ZC3H4: variants seen among roughly 807,000 people sequenced by gnomAD.
ZC3H4 encodes zinc finger CCCH domain-containing protein 4.
In ZC3H4, 13 loss-of-function variants were observed where a neutral mutation model predicts 108.3. The observed-to-expected ratio is 0.12, with a 90% CI of 0.08 to 0.19. The LOEUF (loss-of-function observed/expected upper bound fraction) is 0.19. Among genes scored for constraint, ZC3H4 ranks in the 10% least tolerant of loss-of-function variants. The pLI is 1.00. For missense variants in ZC3H4, 1,734 were observed against 1,838.8 expected (o/e 0.94, Z 1.04); for synonymous variants, 917 against 749.6 (o/e 1.22, Z -3.65).
intron 13 of ZC3H4, among the ~76,000 whole-genome samples, chr19:47,070,541 G>A (rs896980207): frequency 1.3e-5 from 2 of 152,148 alleles, no homozygotes; most frequent in Admixed American, 6.5e-5. Flanking sequence ...AGCTTTTCCC[G>A]TGCACCTTTT....
Position 47,112,476 on chromosome 19 carries a change from G to C in ZC3H4, c.109C>G (p.Arg37Gly). Residue 37 changes from arginine (R) to glycine (G), a missense_variant, in exon 2 of 15, where the codon CGC becomes GGC. Around this residue, in one of 9 missense-constraint regions of ZC3H4, gnomAD observed 112 missense variants for 73.3 expected, o/e 1.53. Coordinates refer to ENST00000253048, the MANE Select transcript of ZC3H4 (RefSeq NM_015168.2). ...PSPPPCSPDA[R>G]PATPHLLHHR... ...TGGAGGAGGTGCGGGGTGGCCGGGC[G>C]GGCGTCGGGGGAACACGGAGGAGGC... The C allele has an allele frequency of 1.7e-6, 2 of 1,182,014 alleles. No homozygotes were observed. Among genetic ancestry groups the C allele is most frequent in the Non-Finnish European group, 2.1e-6 (2 of 935,252 alleles). 73.2% of individuals were successfully genotyped at this position (1,182,014 alleles called of 1,614,324 possible).
intron 11 of ZC3H4, among the ~76,000 whole-genome samples, chr19:47,074,356 G>A (rs116677091): frequency 9.2e-5 from 14 of 152,340 alleles, no homozygotes; most frequent in African/African-American, 2.9e-4. Context: ...GGGCAGGACT[G>A]TTTCTTCCCT....
At chr19:47,078,705 C>G (rs1283540827) in intron 11 of ZC3H4, among the ~76,000 whole-genome samples, 1 of 151,972 alleles carries the variant, frequency 6.6e-6, no homozygotes, top group Non-Finnish European at 1.5e-5. Flanking sequence ...ACTAAAAATA[C>G]AAAACTCAGC....
intron 2 of ZC3H4, among the ~76,000 whole-genome samples, chr19:47,100,738 G>A (rs1007677210): frequency 6.6e-5 from 10 of 151,952 alleles, no homozygotes; most frequent in Non-Finnish European, 1.3e-4. Flanking sequence ...TTACTCTGTC[G>A]CCCAGGCTGG....
chr19:47,109,844 G>A (rs1402500018), intron 2 of ZC3H4, among the ~76,000 whole-genome samples: 1 of 152,184 alleles, frequency 6.6e-6, no homozygotes, highest in African/African-American at 2.4e-5. Context: ...CAACTTCAAC[G>A]TGTTTTGTCT....
In ZC3H4 at chr19:47,081,623, G is replaced by A; in HGVS notation, c.1331-1C>T. ...TGGTACAGCTTACACGGGAAATCAC[G>A]TTCATGGCAAATTAAGGTAAATGCT... On this transcript the variant is annotated splice_acceptor_variant, in intron 10 of 14. Coordinates refer to ENST00000253048, the MANE Select transcript of ZC3H4 (RefSeq NM_015168.2). LOFTEE classifies it high-confidence loss of function. 1.2e-6 allele frequency: 2 copies of A among 1,613,434 alleles called. No individual in the cohort carries two copies. The highest frequency in any genetic ancestry group is 8.5e-7 in the Non-Finnish European group (1 of 1,179,350).
chr19:47,067,279 G>A lies in ZC3H4; in HGVS notation c.2989C>T (p.Pro997Ser), dbSNP rs2057229629. The A allele has an allele frequency of 6.3e-7, 1 of 1,589,638 alleles. No homozygotes were observed. The highest frequency in any genetic ancestry group is 8.6e-7 in the Non-Finnish European group (1 of 1,167,532). Reference sequence around the variant, plus strand: ...ATGGATTGCAGGGCCGCGGGCACGGGGGGCACTGCGTCCTGCTTGGGGATG... The same window carrying A: ...ATGGATTGCAGGGCCGCGGGCACGGAGGGCACTGCGTCCTGCTTGGGGATG... The part of the protein sequence containing the change: ...LPIPKQDAVP[P>S]VPAALQSMPT... The change falls in exon 15 of 15, where the codon CCC becomes TCC. Residue 997 changes from proline (P) to serine (S), a missense_variant. Pro to Ser is a moderately conservative substitution (Grantham distance 74, BLOSUM62 -1). Coordinates refer to ENST00000253048, the MANE Select transcript of ZC3H4 (RefSeq NM_015168.2). The surrounding 1 kb of genome is among the most constrained non-coding windows in gnomAD (Gnocchi z 6.4).
Position 47,084,390 on chromosome 19 carries a change from T to C in ZC3H4, c.1173A>G (p.Lys391=), listed in dbSNP as rs765739461. The C allele has an allele frequency of 1.2e-6, 2 of 1,614,228 alleles. No individual in the cohort carries two copies. Among genetic ancestry groups the C allele is most frequent in the South Asian group, 2.2e-5 (2 of 91,088 alleles). The part of the protein sequence containing the change: ...HDKPHQQSDK[K]GKVICKYFVE... The stretch of plus-strand genomic sequence containing the variant: ...CGAAGTACTTGCAAATGACTTTGCC[T>C]TTCTTGTCCGACTGCTGGTGGGGCT... Residue 391 remains lysine (K), a synonymous_variant, in exon 9 of 15, where the codon AAA becomes AAG. Coordinates refer to ENST00000253048, the MANE Select transcript of ZC3H4 (RefSeq NM_015168.2).
chr19:47,074,524 T>C (rs74571182), intron 11 of ZC3H4, among the ~76,000 whole-genome samples: 1,564 of 152,334 alleles, frequency 0.01, 53 homozygotes, highest in East Asian at 0.081. Flanking sequence ...TTGGAAGGCC[T>C]GCTTGCAAGG....
In ZC3H4 at chr19:47,066,512, C is replaced by A; in HGVS notation, c.3756G>T (p.Val1252=). The change falls in exon 15 of 15, where the codon GTG becomes GTT. Residue 1252 remains valine, a synonymous_variant. Transcript: ENST00000253048. ...PPQPGVHNLP[V]PTLFGTVKQT... is the part of the protein sequence containing the mutation. ...GCTTCACCGTCCCGAAGAGGGTGGG[C>A]ACGGGCAGGTTGTGCACCCCGGGCT... 1.3e-6 allele frequency: 2 copies of A among 1,574,112 alleles called. No homozygotes were observed. The highest frequency in any genetic ancestry group is 1.7e-6 in the Non-Finnish European group (2 of 1,159,278).
chr19:47,086,292 A>G (rs1600059224), intron 6 of ZC3H4, 92 bp downstream of exon 6: 17 of 1,481,070 alleles, frequency 1.1e-5, no homozygotes, highest in African/African-American at 1.4e-5. Context: ...ATGTCTTCCT[A>G]CCTTGGCCTC....
chr19:47,072,474 C>T lies in ZC3H4; in HGVS notation c.1680G>A (p.Pro560=), dbSNP rs757017978. 6.2e-6 allele frequency: 9 copies of T among 1,450,438 alleles called. No homozygotes were observed. The highest frequency in any genetic ancestry group is 4.7e-5 in the South Asian group (4 of 85,302). The allele number at this position is 1,450,438 out of a possible 1,614,324, so 89.8% of individuals were successfully genotyped here. The change falls in exon 12 of 15, where the codon CCG becomes CCA. Residue 560 remains proline, a synonymous_variant. Coordinates refer to ENST00000253048, the MANE Select transcript of ZC3H4 (RefSeq NM_015168.2). The surrounding 1 kb of genome is among the most constrained non-coding windows in gnomAD (Gnocchi z 5.6). The part of the protein sequence containing the change: ...PPPGPPQMPM[P]VHEPLSPQQL... ...GCTGCGGGGACAGTGGCTCATGCACCGGCATGGGCATCTGAGGGGGCCCGG... is the reference window on the plus strand; with the variant it reads ...GCTGCGGGGACAGTGGCTCATGCACTGGCATGGGCATCTGAGGGGGCCCGG...
chr19:47,096,145 G>A (rs2123016744), intron 2 of ZC3H4, among the ~76,000 whole-genome samples: 1 of 152,300 alleles, frequency 6.6e-6, no homozygotes. Context: ...CTCACTCCCA[G>A]TTCAAAGGGG....
At position 47,086,463 on chromosome 19, in the gene ZC3H4, C is replaced by T. The variant is rs754438891; in HGVS notation, c.791G>A (p.Gly264Asp). ...AGAGCCTCTGCCCCTGCCTCGGCTG[C>T]CCCTGCCCATGCCGCGGCCTCGCGA... ...GGSRGRGMGR[G>D]SRGRGRGSMG... is the part of the protein sequence containing the mutation. Residue 264 changes from glycine to aspartate, a missense_variant, in exon 6 of 15, where the codon GGC becomes GAC. Physicochemically the swap from Gly to Asp is moderately conservative, Grantham distance 94. This residue lies in a region of ZC3H4 where 403 missense variants were observed against 457.0 expected (regional missense o/e 0.88). Coordinates refer to ENST00000253048, the MANE Select transcript of ZC3H4 (RefSeq NM_015168.2). 6.2e-7 allele frequency: 1 copy of T among 1,612,022 alleles called. No individual in the cohort carries two copies. The highest frequency in any genetic ancestry group is 8.5e-7 in the Non-Finnish European group (1 of 1,179,648).
intron 6 of ZC3H4, among the ~76,000 whole-genome samples, chr19:47,085,684 G>C (rs547519349): frequency 7.2e-5 from 11 of 152,240 alleles, no homozygotes; most frequent in Admixed American, 6.5e-5. Context: ...AGTGGACTGT[G>C]GACTGGCGTG....
intron 11 of ZC3H4, among the ~76,000 whole-genome samples, chr19:47,075,474 C>T (rs981670770): frequency 3.3e-5 from 5 of 152,152 alleles, no homozygotes; most frequent in South Asian, 2.1e-4. Context: ...CTTCAGTCCC[C>T]ACTGCCGCAC....
rs546865542 is a variant in ZC3H4, at chr19:47,091,210, T to G, written c.493-1021A>C. 2.7e-3 allele frequency among the ~76,000 whole-genome samples: 414 copies of G among 151,960 alleles called. 2 individuals are homozygous for G. Among genetic ancestry groups the G allele is most frequent in the Non-Finnish European group, 3.9e-3 (266 of 67,938 alleles). ...TTGCTTGAACCCGCGAGGCAGAGGTTGTAGTGAGCAGAGACTGCACCACTG... is the reference window on the plus strand; with the variant it reads ...TTGCTTGAACCCGCGAGGCAGAGGTGGTAGTGAGCAGAGACTGCACCACTG... On this transcript the variant is annotated intron_variant, in intron 4 of 14. Transcript: ENST00000253048.
rs578171376 is a variant in ZC3H4, at chr19:47,067,907, C to T, written c.2399-38G>A. ...AGAGGAGCAGGGAGGGGTGAGTGGGCGCATCCACCACCCGCCCTCTTGGAT... is the reference window on the plus strand; with the variant it reads ...AGAGGAGCAGGGAGGGGTGAGTGGGTGCATCCACCACCCGCCCTCTTGGAT... On this transcript the variant is annotated intron_variant, in intron 14 of 14. Coordinates refer to ENST00000253048, the MANE Select transcript of ZC3H4 (RefSeq NM_015168.2). The surrounding 1 kb of genome is among the most constrained non-coding windows in gnomAD (Gnocchi z 6.4). The T allele has an allele frequency of 1.2e-5, 19 of 1,534,088 alleles. No homozygotes were observed. Among genetic ancestry groups the T allele is most frequent in the Admixed American group, 3.9e-5 (2 of 51,582 alleles).
In ZC3H4 at chr19:47,090,138, A is replaced by G; in HGVS notation, c.544T>C (p.Tyr182His). Residue 182 changes from tyrosine to histidine, a missense_variant, in exon 5 of 15, where the codon TAC (tyrosine) becomes CAC (histidine). Coordinates refer to ENST00000253048, the MANE Select transcript of ZC3H4 (RefSeq NM_015168.2). Reference protein sequence around the residue: ...SHATPLPKKAYSKMDSKSYGM... With the variant: ...SHATPLPKKAHSKMDSKSYGM... ...TAACTCTTGCTGTCCATCTTGGAGT[A>G]TGCCTTCTTGGGCAGGGGCGTGGCA... The G allele has an allele frequency of 6.2e-7, 1 of 1,614,110 alleles. No homozygotes were observed.
Sources: gnomAD v4.1 joint callset for allele counts (sites outside exome capture counted in the v4.1 genomes callset) on GRCh38, gnomAD v4.1.1 for gene constraint, gnomAD v4.1.1 regional missense constraint, Gnocchi (gnomAD v3.1) non-coding constraint, MANE v1.5 for transcripts, NCBI Gene and HGNC (gene_info 2026-07-23, HGNC 2026-07-21) for gene names.